KDM6A: variants seen among roughly 807,000 people sequenced by gnomAD.
The protein encoded by KDM6A is lysine demethylase 6A.
A neutral mutation model predicts 117.6 loss-of-function variants in KDM6A; 11 were observed. The ratio of observed to expected loss-of-function variants is 0.09; its 90% CI spans 0.06 to 0.15. The LOEUF is 0.15. KDM6A is among the 10% of genes least tolerant of loss of function. The pLI is 1.00. For missense variants in KDM6A, 799 were observed against 1,077.3 expected (o/e 0.74, Z 3.62); for synonymous variants, 384 against 396.1 (o/e 0.97, Z 0.36).
At chrX:45,035,660 T>TA (rs2042779542) in intron 7 of KDM6A, among the ~76,000 whole-genome samples, 1 of 110,018 alleles carries the variant, frequency 9.1e-6, no homozygotes, top group Admixed American at 9.7e-5. Context: ...CTAAATTTCT[T>TA]AAAAACCTTC....
intron 15 of KDM6A, 63 bp downstream of exon 15, chrX:45,061,482 A>AT (rs2044288066): frequency 2.8e-6 from 1 of 353,071 alleles, no homozygotes; most frequent in Admixed American, 5.1e-5. Context: ...AACAAGTATT[A>AT]ATTTTTTTTT....
At chrX:44,876,672 C>T (rs2031591067) in intron 2 of KDM6A, among the ~76,000 whole-genome samples, 1 of 81,314 alleles carries the variant, frequency 1.2e-5, no homozygotes. Context: ...ATAACGTTTT[C>T]CTTTCTGGCA....
At chrX:45,003,731 GTCTC>G (rs1025740795) in intron 4 of KDM6A, among the ~76,000 whole-genome samples, 43 of 107,467 alleles carry the variant, frequency 4.0e-4, no homozygotes, top group Non-Finnish European at 1.5e-4. Context: ...CTCTTTGACT[GTCTC>G]TCTCTTTGAC....
In KDM6A at chrX:44,879,043, A is replaced by G. The variant is rs767943993; in HGVS notation, c.225+5056A>G. On this transcript the variant is annotated intron_variant, in intron 2 of 29. Coordinates refer to ENST00000611820, the MANE Select transcript of KDM6A (RefSeq NM_001291415.2). Reference sequence around the variant, plus strand: ...GGCCAATATCTTAAGCTGTTAAGAAAAACTGCCTGAGAGATGAATTTTTGT... The same window carrying G: ...GGCCAATATCTTAAGCTGTTAAGAAGAACTGCCTGAGAGATGAATTTTTGT... 2.7e-5 allele frequency among the ~76,000 whole-genome samples: 3 copies of G among 111,957 alleles called. No individual in the cohort carries two copies. In the South Asian group the frequency reaches 1.1e-3, roughly 41 times the overall value.
intron 2 of KDM6A, among the ~76,000 whole-genome samples, chrX:44,888,257 A>T (rs1266752487): frequency 8.9e-6 from 1 of 112,139 alleles, no homozygotes; most frequent in African/African-American, 3.2e-5. Context: ...GTGAGCCGAG[A>T]TCCTGCCACT....
At chrX:44,982,649 T>C (rs1463684612) in intron 4 of KDM6A, among the ~76,000 whole-genome samples, 1 of 112,132 alleles carries the variant, frequency 8.9e-6, no homozygotes, top group Admixed American at 9.5e-5. Context: ...AAGTTCTAAA[T>C]AATACTGTTT....
At chrX:45,083,669 T>A (rs2148155900) in intron 24 of KDM6A, 61 bp downstream of exon 24, 1 of 992,196 alleles carries the variant, frequency 1.0e-6, no homozygotes. Context: ...ATATGAAACA[T>A]GCAAAGACAG....
intron 10 of KDM6A, 52 bp from the exon 11 acceptor site, chrX:45,058,954 C>T (rs2147954553): frequency 9.5e-7 from 1 of 1,053,264 alleles, no homozygotes; most frequent in Non-Finnish European, 1.3e-6. Context: ...TAATTTGTTT[C>T]AGTATTAATG....
intron 2 of KDM6A, among the ~76,000 whole-genome samples, chrX:44,907,280 T>G (rs1056858036): frequency 4.5e-5 from 5 of 111,126 alleles, no homozygotes; most frequent in African/African-American, 1.6e-4. Context: ...AGTTCCTTTT[T>G]TTGTTGTTGT....
In KDM6A at chrX:45,112,734, C is replaced by G. The variant is rs1035983773; in HGVS notation, c.*1323C>G. On this transcript the variant is annotated 3_prime_UTR_variant, in exon 30 of 30. Transcript: ENST00000611820. ...AAAAGGGGATTCAGGATGAAGGGCT[C>G]TATTTTAGAATGCAAATAAATTAAG... The G allele has an allele frequency of 8.4e-6, 1 of 119,372 alleles. No homozygotes were observed. The highest frequency in any genetic ancestry group is 1.9e-4 in the East Asian group (1 of 5,335). 9.8% of individuals were successfully genotyped at this position (119,372 alleles called of 1,213,427 possible).
chrX:45,074,465 T>C (rs2045019596), intron 18 of KDM6A, among the ~76,000 whole-genome samples: 1 of 112,228 alleles, frequency 8.9e-6, no homozygotes, highest in African/African-American at 3.2e-5. Context: ...ATATTTGCTA[T>C]GCAGAGCACT....
rs183915803 is a variant in KDM6A at position 45,072,453 on chromosome X, G to A, written c.2858+2096G>A. The stretch of plus-strand genomic sequence containing the variant: ...ATATTAGTTTTTTTTTTGAAGTTAG[G>A]CTATCATTCAGTTCAACTCTGGGCC... On this transcript the variant is annotated intron_variant, in intron 18 of 29. Transcript: ENST00000611820. Among the ~76,000 whole-genome samples, 6 of 109,977 alleles carry A rather than the reference G, an allele frequency of 5.5e-5. No individual in the cohort carries two copies. The Admixed American group carries it at 5.8e-4, about 11-fold the overall frequency.
intron 8 of KDM6A, among the ~76,000 whole-genome samples, chrX:45,041,413 C>T (rs2043188337): frequency 9.8e-6 from 1 of 101,747 alleles, no homozygotes; most frequent in African/African-American, 3.8e-5. Context: ...GACGGGGCAG[C>T]TGGCCGGGCG....
chrX:44,905,397 C>G (rs193010253), intron 2 of KDM6A, among the ~76,000 whole-genome samples: 1 of 112,300 alleles, frequency 8.9e-6, no homozygotes, highest in East Asian at 2.8e-4. Context: ...CAGTAACATG[C>G]TGTGCCAGAT....
At chrX:44,984,028 C>G (rs1161317733) in intron 4 of KDM6A, among the ~76,000 whole-genome samples, 1 of 110,978 alleles carries the variant, frequency 9.0e-6, no homozygotes, top group Non-Finnish European at 1.9e-5. Context: ...GTCCCACTAA[C>G]AGTGTAAAAG....
In KDM6A at chrX:45,076,690, T is replaced by C. The variant is rs1274158389; in HGVS notation, c.2859-7T>C. Reference sequence around the variant, plus strand: ...ACAACTGATTATCCCTTTTTTTTTTTTTCCAGGAATCTAGGTAAAAATGGC... The same window carrying C: ...ACAACTGATTATCCCTTTTTTTTTTCTTCCAGGAATCTAGGTAAAAATGGC... On this transcript the variant is annotated splice_polypyrimidine_tract_variant and splice_region_variant and intron_variant, in intron 18 of 29. Transcript: ENST00000611820. The C allele has an allele frequency of 3.5e-6, 4 of 1,139,664 alleles. No individual in the cohort carries two copies. Among genetic ancestry groups the C allele is most frequent in the African/African-American group, 3.7e-5 (2 of 54,684 alleles). The allele number at this position is 1,139,664 out of a possible 1,213,427, so 93.9% of individuals were successfully genotyped here.
intron 4 of KDM6A, among the ~76,000 whole-genome samples, chrX:44,984,393 T>C (rs1275966901): frequency 8.1e-5 from 9 of 111,551 alleles, no homozygotes; most frequent in African/African-American, 2.9e-4. Flanking sequence ...TTTCTTTTGC[T>C]GTGCAGAAGC....
intron 5 of KDM6A, among the ~76,000 whole-genome samples, chrX:45,016,917 T>C (rs1166333291): frequency 8.9e-6 from 1 of 112,071 alleles, no homozygotes; most frequent in East Asian, 2.8e-4. Flanking sequence ...GGAAGTCTTA[T>C]TAAAAATGAC....
intron 2 of KDM6A, among the ~76,000 whole-genome samples, chrX:44,895,369 C>T (rs189435000): frequency 1.9e-5 from 2 of 106,924 alleles, no homozygotes; most frequent in African/African-American, 3.4e-5. Context: ...CTGCCCGCCT[C>T]GGCCTCCCAA....
Sources: gnomAD v4.1 joint callset for allele counts (sites outside exome capture counted in the v4.1 genomes callset) on GRCh38, gnomAD v4.1.1 for gene constraint, MANE v1.5 for transcripts, NCBI Gene and HGNC (gene_info 2026-07-23, HGNC 2026-07-21) for gene names.